The following PALS2 variants were observed in gnomAD, a reference collection of about 807,000 sequenced individuals.
PALS2 encodes protein associated with LIN7 2, MAGUK p55 family member, also known as protein PALS2.
Under a neutral mutation model 61.6 loss-of-function variants are expected in PALS2, and 27 were observed. The ratio of observed to expected loss-of-function variants is 0.44; its 90% CI spans 0.32 to 0.60. The LOEUF is 0.60. Ranked by LOEUF, PALS2 falls within the 20% of genes least tolerant of loss-of-function variation. The pLI, the probability that PALS2 is intolerant of heterozygous loss-of-function variation, is 0.05. For synonymous variants in PALS2, 236 were observed against 218.6 expected (o/e 1.08, Z -0.70); for missense variants, 554 against 639.4 (o/e 0.87, Z 1.44).
chr7:24,599,492 TATC>T (rs2128046731), intron 1 of PALS2, among the ~76,000 whole-genome samples: 1 of 151,136 alleles, frequency 6.6e-6, no homozygotes, highest in African/African-American at 2.4e-5. Context: ...TCTTTTTTAA[TATC>T]TTCTATAAGC....
At position 24,573,782 on chromosome 7, in the gene PALS2, G is replaced by C. The variant is rs866203589; in HGVS notation, c.-3+189G>C. On this transcript the variant is annotated intron_variant, in intron 1 of 11. Coordinates refer to ENST00000222644, the MANE Select transcript of PALS2 (RefSeq NM_001303037.2). The surrounding 1 kb of genome is among the most constrained non-coding windows in gnomAD (Gnocchi z 5.3). ...AGGCGGCGGCGGCGGCGCCGCGGTC[G>C]GGGAGGCTGCTGGCCGCCCCCAGCC... is the stretch of plus-strand genomic sequence containing the variant. Among the ~76,000 whole-genome samples, 652 of 147,692 alleles carry C rather than the reference G, an allele frequency of 4.4e-3. 7 individuals carry two copies. Among genetic ancestry groups the C allele is most frequent in the African/African-American group, 0.015 (622 of 41,064 alleles).
intron 1 of PALS2, among the ~76,000 whole-genome samples, chr7:24,584,980 T>C (rs1436270747): frequency 2.1e-3 from 321 of 151,704 alleles, no homozygotes; most frequent in African/African-American, 7.3e-3. Context: ...TGTAGATATG[T>C]GGCATTATTT....
chr7:24,586,720 G>A (rs906701499), intron 1 of PALS2, among the ~76,000 whole-genome samples: 5 of 152,190 alleles, frequency 3.3e-5, no homozygotes, highest in African/African-American at 7.2e-5. Flanking sequence ...CATGATTGGT[G>A]TGATAGTCTT....
intron 2 of PALS2, among the ~76,000 whole-genome samples, chr7:24,638,626 C>T (rs1215967455): frequency 6.6e-6 from 1 of 150,998 alleles, no homozygotes; most frequent in Non-Finnish European, 1.5e-5. Context: ...CCACCGCGCC[C>T]GGCCAATTTC....
At chr7:24,593,871 G>T (rs1257785114) in intron 1 of PALS2, among the ~76,000 whole-genome samples, 4 of 152,056 alleles carry the variant, frequency 2.6e-5, no homozygotes, top group Non-Finnish European at 5.9e-5. Flanking sequence ...ATTGGCTTCA[G>T]CTTAAAAGTC....
chr7:24,632,392 C>CT (rs1785037520), intron 2 of PALS2, among the ~76,000 whole-genome samples: 1 of 152,094 alleles, frequency 6.6e-6, no homozygotes, highest in Non-Finnish European at 1.5e-5. Flanking sequence ...TTAATTCACT[C>CT]TGACAGTCTC....
intron 1 of PALS2, among the ~76,000 whole-genome samples, chr7:24,622,922 T>A (rs1410988509): frequency 6.6e-6 from 1 of 151,962 alleles, no homozygotes; most frequent in Non-Finnish European, 1.5e-5. Flanking sequence ...AATGATTTTC[T>A]TTGTCTGAAG....
At chr7:24,575,415 C>G (rs914667629) in intron 1 of PALS2, among the ~76,000 whole-genome samples, 12 of 152,020 alleles carry the variant, frequency 7.9e-5, no homozygotes, top group African/African-American at 2.7e-4. Context: ...TTTGAGGGAG[C>G]AGTTTGCTTC....
Position 24,679,126 on chromosome 7 carries a change from T to C in PALS2, c.1115-5T>C. On this transcript the variant is annotated splice_region_variant and splice_polypyrimidine_tract_variant and intron_variant, in intron 9 of 11. Coordinates refer to ENST00000222644, the MANE Select transcript of PALS2 (RefSeq NM_001303037.2). Reference sequence around the variant, plus strand: ...GTACAAAAATCTCAACACTATTTTATTTAGTTACTTCACGGAAACCAAGGG... The same window carrying C: ...GTACAAAAATCTCAACACTATTTTACTTAGTTACTTCACGGAAACCAAGGG... 6.2e-7 allele frequency: 1 copy of C among 1,612,516 alleles called. No individual in the cohort carries two copies. Among genetic ancestry groups the C allele is most frequent in the South Asian group, 1.1e-5 (1 of 91,010 alleles).
chr7:24,590,063 A>G (rs192944394), intron 1 of PALS2, among the ~76,000 whole-genome samples: 19 of 152,250 alleles, frequency 1.2e-4, no homozygotes, highest in Admixed American at 2.6e-4. Flanking sequence ...AAAAACATAC[A>G]TCTTAGAAAG....
At chr7:24,589,036 C>G (rs1783181345) in intron 1 of PALS2, 1 of 152,076 alleles carries the variant, frequency 6.6e-6, no homozygotes, top group African/African-American at 2.4e-5. Context: ...TATTTCTTTA[C>G]TGTAGTGGTC....
intron 1 of PALS2, among the ~76,000 whole-genome samples, chr7:24,588,448 A>G (rs1216899620): frequency 6.6e-6 from 1 of 152,124 alleles, no homozygotes; most frequent in Non-Finnish European, 1.5e-5. Flanking sequence ...ATTTTTAAAT[A>G]ATTGAGGGCC....
chr7:24,649,712 C>A lies in PALS2; in HGVS notation c.371C>A (p.Pro124Gln). Residue 124 changes from proline to glutamine, a missense_variant, in exon 4 of 12, where the codon CCA (proline) becomes CAA (glutamine). Pro to Gln is a moderately conservative substitution (Grantham distance 76, BLOSUM62 -1). Coordinates refer to ENST00000222644, the MANE Select transcript of PALS2 (RefSeq NM_001303037.2). The stretch of plus-strand genomic sequence containing the variant: ...TCTTCTATCAATAATCAGTTATTAC[C>A]AGTAGATGCCATTCGTATTCTTGGT... ...NNSSINNQLL[P>Q]VDAIRILGIH... 3.1e-6 allele frequency: 5 copies of A among 1,610,938 alleles called. No individual in the cohort carries two copies. The highest frequency in any genetic ancestry group is 4.2e-6 in the Non-Finnish European group (5 of 1,178,642).
intron 9 of PALS2, among the ~76,000 whole-genome samples, chr7:24,674,941 C>G (rs143539165): frequency 1.3e-5 from 2 of 152,162 alleles, no homozygotes; most frequent in East Asian, 3.9e-4. Context: ...GAGAATTTTG[C>G]CTATCATAAA....
At chr7:24,648,588 C>T (rs574662864) in intron 3 of PALS2, among the ~76,000 whole-genome samples, 37 of 152,046 alleles carry the variant, frequency 2.4e-4, no homozygotes, top group Non-Finnish European at 4.6e-4. Context: ...GCCACCGCGC[C>T]TGCCCTAAAA....
intron 1 of PALS2, among the ~76,000 whole-genome samples, chr7:24,593,419 C>T (rs1421201822): frequency 6.6e-6 from 1 of 152,104 alleles, no homozygotes; most frequent in African/African-American, 2.4e-5. Flanking sequence ...TCCCATGAAT[C>T]ACAAGTGTTC....
chr7:24,679,396 T>C, intron 10 of PALS2, 63 bp downstream of exon 10: 1 of 1,550,508 alleles, frequency 6.4e-7, no homozygotes, highest in South Asian at 1.2e-5. Flanking sequence ...TTTTCATGTG[T>C]GTCGGGGTTG....
intron 1 of PALS2, among the ~76,000 whole-genome samples, chr7:24,608,387 A>G (rs1054452751): frequency 4.8e-4 from 73 of 152,078 alleles, no homozygotes; most frequent in African/African-American, 1.7e-3. Context: ...TTAAACTCAA[A>G]TACATTTTCT....
intron 3 of PALS2, among the ~76,000 whole-genome samples, chr7:24,643,312 T>C (rs1785659628): frequency 6.6e-6 from 1 of 152,156 alleles, no homozygotes; most frequent in Non-Finnish European, 1.5e-5. Flanking sequence ...ATATGAAGTG[T>C]AGCATATAAA....
Sources: allele counts gnomAD v4.1 joint callset (sites outside exome capture counted in the v4.1 genomes callset), GRCh38; gene constraint gnomAD v4.1.1; non-coding constraint Gnocchi (gnomAD v3.1); transcripts MANE v1.5; gene names NCBI Gene and HGNC (gene_info 2026-07-23, HGNC 2026-07-21).